CEPT1: variants seen among roughly 807,000 people sequenced by gnomAD.
CEPT1 encodes the protein choline/ethanolamine phosphotransferase 1.
Under a neutral mutation model 42.6 loss-of-function variants are expected in CEPT1, and 7 were observed. The ratio of observed to expected loss-of-function variants is 0.16; its 90% CI spans 0.09 to 0.31. The LOEUF (loss-of-function observed/expected upper bound fraction) is 0.31. Ranked by LOEUF, CEPT1 falls within the 10% of genes least tolerant of loss-of-function variation. CEPT1 has a pLI of 1.00. For synonymous variants in CEPT1, 171 were observed against 171.9 expected (o/e 0.99, Z 0.04); for missense variants, 306 against 502.1 (o/e 0.61, Z 3.73).
At chr1:111,153,891 G>A (rs1247006491) in intron 2 of CEPT1, among the ~76,000 whole-genome samples, 2 of 152,112 alleles carry the variant, frequency 1.3e-5, no homozygotes. Flanking sequence ...GTAGTGTGAT[G>A]CCTCCAGCTT....
Position 111,147,851 on chromosome 1 carries a change from AC to A in CEPT1, c.139del (p.Gln47AsnfsTer2). The A allele has an allele frequency of 6.2e-7, 1 of 1,614,162 alleles. No homozygotes were observed. Among genetic ancestry groups the A allele is most frequent in the Non-Finnish European group, 8.5e-7 (1 of 1,180,018 alleles). On this transcript the variant is annotated frameshift_variant, in exon 2 of 9. Transcript: ENST00000357172. LOFTEE classifies it high-confidence loss of function. ...TTACCAACACCACCATTGTCAAGAC[AC>A]CAACTAAAGCGGCTAGAAGAACACA... Reference protein sequence around the residue: ...FQLPTPPLSRHQLKRLEEHRY... With the variant: ...FQLPTPPLSRXQLKRLEEHRY...
intron 4 of CEPT1, among the ~76,000 whole-genome samples, chr1:111,166,330 A>G (rs1326071128): frequency 6.6e-6 from 1 of 152,176 alleles, no homozygotes; most frequent in Non-Finnish European, 1.5e-5. Context: ...CTATACTGCT[A>G]CTGTTTTGTG....
intron 2 of CEPT1, among the ~76,000 whole-genome samples, chr1:111,152,360 CAA>C (rs543272743): frequency 2.5e-3 from 385 of 152,086 alleles, no homozygotes; most frequent in Middle Eastern, 0.02. Flanking sequence ...TAAAAAAATG[CAA>C]AGAGTGGCAT....
intron 5 of CEPT1, among the ~76,000 whole-genome samples, chr1:111,175,746 A>G (rs1344282720): frequency 2.0e-5 from 3 of 152,230 alleles, no homozygotes; most frequent in Admixed American, 6.5e-5. Flanking sequence ...TAAGCACTCA[A>G]TAAAAGTTGT....
At chr1:111,182,068 T>A in intron 5 of CEPT1, 119 bp from the exon 6 acceptor site, 1 of 660,034 alleles carries the variant, frequency 1.5e-6, no homozygotes, top group Non-Finnish European at 2.5e-6. Flanking sequence ...TTCATTACTT[T>A]ACGTATTTAT....
At chr1:111,182,509 C>T (rs1484823972) in intron 6 of CEPT1, 191 bp downstream of exon 6, 10 of 623,980 alleles carry the variant, frequency 1.6e-5, no homozygotes, top group East Asian at 5.9e-5. Flanking sequence ...TATATTCATA[C>T]TTTTATGCAT....
At chr1:111,159,749 T>G in intron 3 of CEPT1, 2 of 363,274 alleles carry the variant, frequency 5.5e-6, no homozygotes, top group Non-Finnish European at 9.8e-6. Context: ...AAATATTGTT[T>G]TGGCATCTTT....
intron 5 of CEPT1, 28 bp downstream of exon 5, chr1:111,174,991 T>G: frequency 1.6e-6 from 2 of 1,277,148 alleles, no homozygotes; most frequent in Non-Finnish European, 2.3e-6. Flanking sequence ...GTGTATCCCA[T>G]GTAATGCATG....
chr1:111,158,597 A>G (rs1411601049), intron 2 of CEPT1, among the ~76,000 whole-genome samples: 2 of 152,212 alleles, frequency 1.3e-5, no homozygotes, highest in African/African-American at 4.8e-5. Context: ...GAATATTCAC[A>G]GGATGTATTA....
At chr1:111,175,552 G>C (rs969483080) in intron 5 of CEPT1, among the ~76,000 whole-genome samples, 1 of 152,192 alleles carries the variant, frequency 6.6e-6, no homozygotes, top group Admixed American at 6.5e-5. Flanking sequence ...GAACCAGACT[G>C]TGTGCGTTTG....
intron 2 of CEPT1, among the ~76,000 whole-genome samples, chr1:111,151,151 A>C (rs868782325): frequency 3.0e-5 from 4 of 134,066 alleles, no homozygotes; most frequent in Non-Finnish European, 1.6e-5. Context: ...TTTGAGACGG[A>C]GTCTCGCTCT....
upstream of CEPT1, chr1:111,139,841 C>G (rs561982441): frequency 7.2e-5 from 11 of 152,756 alleles, no homozygotes; most frequent in Admixed American, 2.0e-4. Flanking sequence ...AACCAGCCCC[C>G]CTCTGGCGCC....
chr1:111,170,575 C>A (rs1422195939), intron 4 of CEPT1, among the ~76,000 whole-genome samples: 1 of 152,130 alleles, frequency 6.6e-6, no homozygotes, highest in Non-Finnish European at 1.5e-5. Context: ...TATTCAAAGT[C>A]AGTATATTGA....
intron 1 of CEPT1, among the ~76,000 whole-genome samples, chr1:111,145,585 C>T (rs1654915421): frequency 6.6e-6 from 1 of 152,214 alleles, no homozygotes; most frequent in Non-Finnish European, 1.5e-5. Context: ...GAGTGTCCCC[C>T]TGGCTGGTAC....
At chr1:111,167,318 C>T (rs1254373678) in intron 4 of CEPT1, 1 of 970,616 alleles carries the variant, frequency 1.0e-6, no homozygotes, top group African/African-American at 1.8e-5. Flanking sequence ...ATGTCACAAA[C>T]AGGTTATTAG....
At chr1:111,181,999 A>T in intron 5 of CEPT1, 188 bp from the exon 6 acceptor site, 1 of 380,684 alleles carries the variant, frequency 2.6e-6, no homozygotes, top group Non-Finnish European at 4.7e-6. Flanking sequence ...ATTAATTTCT[A>T]AATAGTCTCA....
chr1:111,146,654 A>T (rs926946152), intron 1 of CEPT1, among the ~76,000 whole-genome samples: 15 of 152,092 alleles, frequency 9.9e-5, no homozygotes, highest in African/African-American at 3.1e-4. Context: ...ATTCTGATTC[A>T]TCTTGAAAAT....
In CEPT1 at chr1:111,161,175, T is replaced by G; in HGVS notation, c.508T>G (p.Cys170Gly). 8.1e-6 allele frequency: 13 copies of G among 1,614,114 alleles called. No homozygotes were observed. The highest frequency in any genetic ancestry group is 1.3e-5 in the African/African-American group (1 of 75,066). The change falls in exon 4 of 9, where the codon TGT (cysteine) becomes GGT (glycine). Residue 170 changes from cysteine to glycine, a missense_variant. Cys to Gly is a radical substitution (Grantham distance 159). Transcript: ENST00000357172. ...TGCAGTTTTTGTGGTTCTTGGAACT[T>G]GTATTGCAGTGCAGCTGGGGACAAA... ...LSTVFVVLGT[C>G]IAVQLGTNPD...
intron 2 of CEPT1, among the ~76,000 whole-genome samples, chr1:111,157,227 C>A (rs927642720): frequency 1.3e-5 from 2 of 152,014 alleles, no homozygotes; most frequent in African/African-American, 4.8e-5. Context: ...TTTACTATTT[C>A]CTAGGATTGT....
Sources: gnomAD v4.1 joint callset for allele counts (sites outside exome capture counted in the v4.1 genomes callset) on GRCh38, gnomAD v4.1.1 for gene constraint, MANE v1.5 for transcripts, NCBI Gene and HGNC (gene_info 2026-07-23, HGNC 2026-07-21) for gene names.